The following PRKAR1B variants were observed in gnomAD, a reference collection of about 807,000 sequenced individuals.
PRKAR1B encodes the protein cAMP-dependent protein kinase type I-beta regulatory subunit.
Under a neutral mutation model 46.5 loss-of-function variants are expected in PRKAR1B, and 22 were observed. That is an observed-to-expected ratio of 0.47 (90% confidence interval 0.34 to 0.68). The LOEUF is 0.68. PRKAR1B is among the 30% of genes least tolerant of loss of function. PRKAR1B has a pLI of 0.01. For synonymous variants in PRKAR1B, 259 were observed against 217.7 expected, an observed-to-expected ratio of 1.19 and a Z score of -1.67; for missense variants, 445 against 535.6, an observed-to-expected ratio of 0.83 and a Z score of 1.67.
chr7:559,727 C>T (rs1295688385), intron 9 of PRKAR1B, among the ~76,000 whole-genome samples: 1 of 152,156 alleles, frequency 6.6e-6, no homozygotes, highest in African/African-American at 2.4e-5. Flanking sequence ...GGCACATGCA[C>T]CCCAAGTCCC....
chr7:683,242 C>T (rs976010891), intron 2 of PRKAR1B, among the ~76,000 whole-genome samples: 1 of 152,212 alleles, frequency 6.6e-6, no homozygotes, highest in Non-Finnish European at 1.5e-5. Flanking sequence ...ATGCAGACAC[C>T]ACGTGAATGC....
chr7:661,254 C>T (rs1455540246), intron 4 of PRKAR1B, among the ~76,000 whole-genome samples: 6 of 71,110 alleles, frequency 8.4e-5, no homozygotes, highest in Non-Finnish European at 1.7e-4. Flanking sequence ...TACCTACTCT[C>T]CCCCCCATGG....
At chr7:661,800 C>A (rs556686297) in intron 4 of PRKAR1B, among the ~76,000 whole-genome samples, 2 of 34,672 alleles carry the variant, frequency 5.8e-5, no homozygotes, top group Admixed American at 2.5e-4. Context: ...TACTCTCCCC[C>A]CCATGGCACA....
At chr7:655,367 G>T (rs143169404) in intron 4 of PRKAR1B, among the ~76,000 whole-genome samples, 1,973 of 152,198 alleles carry the variant, frequency 0.013, 19 homozygotes, top group Middle Eastern at 0.024. Flanking sequence ...GCATGCCCCT[G>T]ACCACAGGGC....
intron 4 of PRKAR1B, among the ~76,000 whole-genome samples, chr7:614,355 CT>C: frequency 6.6e-6 from 1 of 152,322 alleles, no homozygotes; most frequent in African/African-American, 2.4e-5. Flanking sequence ...GGTTGAATGC[CT>C]TTCACCTGAG....
intron 4 of PRKAR1B, among the ~76,000 whole-genome samples, chr7:637,634 G>T (rs1784187497): frequency 6.6e-6 from 1 of 151,988 alleles, no homozygotes; most frequent in Admixed American, 6.6e-5. Flanking sequence ...AGGAGATCGA[G>T]ACCAGCCTGG....
chr7:609,313 TC>T (rs1782339625), intron 4 of PRKAR1B, among the ~76,000 whole-genome samples: 1 of 152,172 alleles, frequency 6.6e-6, no homozygotes, highest in Non-Finnish European at 1.5e-5. Flanking sequence ...AATTCCTCCC[TC>T]TTTTTTAAAA....
Position 550,428 on chromosome 7 carries a change from G to A in PRKAR1B, c.*2C>T. Reference sequence around the variant, plus strand: ...GCTGGGGCTGCAGGGCGGGAGCTGTGCTCAGACGGTGAGGGAGATGAAGCT... The same window carrying A: ...GCTGGGGCTGCAGGGCGGGAGCTGTACTCAGACGGTGAGGGAGATGAAGCT... On this transcript the variant is annotated 3_prime_UTR_variant, in exon 11 of 11. Transcript: ENST00000537384. The A allele has an allele frequency of 6.3e-7, 1 of 1,584,984 alleles. No homozygotes were observed. The highest frequency in any genetic ancestry group is 8.6e-7 in the Non-Finnish European group (1 of 1,166,048).
intron 1 of PRKAR1B, among the ~76,000 whole-genome samples, chr7:723,933 C>A (rs1449830132): frequency 6.6e-6 from 1 of 152,234 alleles, no homozygotes; most frequent in Admixed American, 6.5e-5. Flanking sequence ...TGAGGTCTCT[C>A]TTCATGCTCA....
intron 4 of PRKAR1B, among the ~76,000 whole-genome samples, chr7:615,641 T>C (rs28544368): frequency 0.75 from 112,542 of 150,380 alleles, 42,500 homozygotes; most frequent in South Asian, 0.9. Flanking sequence ...ATCGAGACCA[T>C]TATGAAACCC....
chr7:672,268 A>G (rs1203369410), intron 4 of PRKAR1B, among the ~76,000 whole-genome samples: 1 of 151,932 alleles, frequency 6.6e-6, no homozygotes, highest in Non-Finnish European at 1.5e-5. Flanking sequence ...CTCCCGCCTC[A>G]GTCTCCTGAG....
At chr7:640,278 C>A (rs1562582330) in intron 4 of PRKAR1B, among the ~76,000 whole-genome samples, 2 of 151,964 alleles carry the variant, frequency 1.3e-5, no homozygotes, top group African/African-American at 4.8e-5. Flanking sequence ...TATCTGTAAA[C>A]CCTGTGTCTG....
At chr7:591,192 CA>C (rs1178698698) in intron 7 of PRKAR1B, among the ~76,000 whole-genome samples, 1 of 152,234 alleles carries the variant, frequency 6.6e-6, no homozygotes, top group Admixed American at 6.5e-5. Context: ...GGCCCGGCCC[CA>C]AAGACTGCCC....
intron 2 of PRKAR1B, chr7:697,204 G>A (rs552850102): frequency 2.0e-5 from 3 of 152,256 alleles, no homozygotes; most frequent in Non-Finnish European, 4.4e-5. Context: ...GTCCCACAGA[G>A]GGGGATGAAG....
intron 9 of PRKAR1B, among the ~76,000 whole-genome samples, chr7:563,299 C>G (rs892418767): frequency 6.6e-6 from 1 of 152,230 alleles, no homozygotes; most frequent in African/African-American, 2.4e-5. Context: ...CACGGGATAC[C>G]CCAGTTTTCT....
At chr7:607,076 C>A (rs1212917098) in intron 5 of PRKAR1B, among the ~76,000 whole-genome samples, 3 of 151,430 alleles carry the variant, frequency 2.0e-5, no homozygotes, top group Non-Finnish European at 2.9e-5. Flanking sequence ...TGATCTCAGC[C>A]CACTGCAACC....
At chr7:625,665 G>A (rs1783349515) in intron 4 of PRKAR1B, among the ~76,000 whole-genome samples, 1 of 152,146 alleles carries the variant, frequency 6.6e-6, no homozygotes, top group Non-Finnish European at 1.5e-5. Context: ...ATGGACAAGG[G>A]ACACCACTAC....
At chr7:606,120 G>A (rs1782031000) in intron 6 of PRKAR1B, 73 bp downstream of exon 6, 3 of 1,488,178 alleles carry the variant, frequency 2.0e-6, no homozygotes, top group Non-Finnish European at 2.8e-6. Context: ...GCCTGGTGCT[G>A]CCTGGAGGGC....
At chr7:570,764 C>T (rs2128435706) in intron 9 of PRKAR1B, among the ~76,000 whole-genome samples, 1 of 152,264 alleles carries the variant, frequency 6.6e-6, no homozygotes, top group East Asian at 1.9e-4. Flanking sequence ...GCAACCGGAG[C>T]CCCCCAGACT....
Sources: allele counts gnomAD v4.1 joint callset (sites outside exome capture counted in the v4.1 genomes callset), GRCh38; gene constraint gnomAD v4.1.1; transcripts MANE v1.5; gene names NCBI Gene and HGNC (gene_info 2026-07-23, HGNC 2026-07-21).